The following ITGA1 variants were observed in gnomAD, a reference collection of about 807,000 sequenced individuals.
The protein encoded by ITGA1 is integrin subunit alpha 1, also known as integrin alpha-1.
In ITGA1, 85 loss-of-function variants were observed where a neutral mutation model predicts 145.9. The observed-to-expected ratio is 0.58, with a 90% CI of 0.49 to 0.70. The LOEUF is 0.70. ITGA1 is among the 30% of genes least tolerant of loss of function. The probability of loss-of-function intolerance (pLI) is 0.00; values close to 1 mark genes in which losing one functional copy is unlikely to be tolerated. For synonymous variants in ITGA1, 520 were observed against 495.3 expected (o/e 1.05, Z -0.66); for missense variants, 1,351 against 1,418.7 (o/e 0.95, Z 0.77).
At chr5:52,937,269 G>A in intron 23 of ITGA1, 132 bp from the exon 24 acceptor site, 2 of 664,106 alleles carry the variant, frequency 3.0e-6, no homozygotes, top group Admixed American at 2.4e-5. Context: ...GCACCATAAA[G>A]GATCTACATT....
chr5:52,829,495 C>G (rs1749023302), intron 1 of ITGA1, among the ~76,000 whole-genome samples: 1 of 152,068 alleles, frequency 6.6e-6, no homozygotes, highest in Non-Finnish European at 1.5e-5. Flanking sequence ...ACGGGATGCT[C>G]ACCACCATAA....
chr5:52,950,230 A>T (rs1301274765), intron 28 of ITGA1, among the ~76,000 whole-genome samples: 1 of 152,160 alleles, frequency 6.6e-6, no homozygotes, highest in East Asian at 1.9e-4. Flanking sequence ...GAGACTCAGA[A>T]CATTCCTCTC....
At chr5:52,828,816 T>G (rs991603280) in intron 1 of ITGA1, among the ~76,000 whole-genome samples, 3 of 152,216 alleles carry the variant, frequency 2.0e-5, no homozygotes, top group Non-Finnish European at 4.4e-5. Flanking sequence ...GAAGCCTCTA[T>G]GGGAGAATCA....
chr5:52,922,710 G>T, intron 17 of ITGA1, 67 bp from the exon 18 acceptor site: 1 of 977,948 alleles, frequency 1.0e-6, no homozygotes, highest in South Asian at 1.4e-5. Context: ...AGAAGAAGGA[G>T]ACATAACAAG....
At chr5:52,790,917 GAAGAT>G (rs771432931) in intron 1 of ITGA1, among the ~76,000 whole-genome samples, 1 of 152,090 alleles carries the variant, frequency 6.6e-6, no homozygotes, top group Non-Finnish European at 1.5e-5. Context: ...TTTTGCCACT[GAAGAT>G]ATGACCTTGT....
chr5:52,825,735 T>C (rs1748950406), intron 1 of ITGA1, among the ~76,000 whole-genome samples: 1 of 152,076 alleles, frequency 6.6e-6, no homozygotes, highest in African/African-American at 2.4e-5. Context: ...CTGGTCAACA[T>C]GGTGAAACCC....
chr5:52,860,287 C>A (rs955061312), intron 2 of ITGA1, among the ~76,000 whole-genome samples: 3 of 152,192 alleles, frequency 2.0e-5, no homozygotes, highest in African/African-American at 7.2e-5. Context: ...GTGGCTCATG[C>A]CTGTAATCCC....
At chr5:52,920,252 ATGC>A in intron 16 of ITGA1, 77 bp from the exon 17 acceptor site, 1 of 1,096,986 alleles carries the variant, frequency 9.1e-7, no homozygotes, top group Non-Finnish European at 1.3e-6. Flanking sequence ...TTTTTCTATA[ATGC>A]TAATTTAATA....
At chr5:52,923,805 G>A (rs563309692) in intron 18 of ITGA1, among the ~76,000 whole-genome samples, 2 of 152,236 alleles carry the variant, frequency 1.3e-5, no homozygotes, top group East Asian at 1.9e-4. Context: ...AGGTATAAAG[G>A]GTGTCCTCAC....
chr5:52,805,963 A>G (rs991764184), intron 1 of ITGA1, among the ~76,000 whole-genome samples: 1 of 152,168 alleles, frequency 6.6e-6, no homozygotes, highest in East Asian at 1.9e-4. Context: ...AAGTAAATGA[A>G]TTCTCCAGCA....
At chr5:52,920,983 T>C (rs1041704146) in intron 17 of ITGA1, among the ~76,000 whole-genome samples, 77 of 73,144 alleles carry the variant, frequency 1.1e-3, no homozygotes, top group Non-Finnish European at 2.1e-3. Flanking sequence ...TTTGTGCTAC[T>C]TCAGTTTTTT....
intron 8 of ITGA1, among the ~76,000 whole-genome samples, chr5:52,891,578 C>CAAAAAAAAAAAAAAAAAAAAAAAA (rs1750150793): frequency 7.3e-6 from 1 of 137,706 alleles, no homozygotes; most frequent in Non-Finnish European, 1.6e-5. Context: ...AAAAAAAAAC[C>CAAAAAAAAAAAAAAAAAAAAAAAA]AAAGTGATAA....
chr5:52,860,540 G>A (rs564321275), intron 2 of ITGA1, among the ~76,000 whole-genome samples: 27 of 152,184 alleles, frequency 1.8e-4, no homozygotes, highest in Admixed American at 6.5e-4. Flanking sequence ...GCGAGACTCC[G>A]TCTCAAAAAA....
At chr5:52,900,762 T>G (rs1750300857) in intron 11 of ITGA1, among the ~76,000 whole-genome samples, 1 of 152,158 alleles carries the variant, frequency 6.6e-6, no homozygotes. Context: ...GCCTCAATTT[T>G]CCTATTTCTA....
rs111446982 is a variant in ITGA1 at position 52,886,903 on chromosome 5, A to C, written c.774-912A>C. Among the ~76,000 whole-genome samples, 7 of 152,102 alleles carry C rather than the reference A, an allele frequency of 4.6e-5. 1 individual carries two copies. The highest frequency in any genetic ancestry group is 1.4e-4 in the African/African-American group (6 of 41,512). On this transcript the variant is annotated intron_variant, in intron 7 of 28. Coordinates refer to ENST00000282588, the MANE Select transcript of ITGA1 (RefSeq NM_181501.2). ...ACGCCATTCTCCTGCCTCAGCCTCC[A>C]GAGTAGCTGGGACTACAGGCGCCCG...
chr5:52,820,566 C>T (rs1268471094), intron 1 of ITGA1, among the ~76,000 whole-genome samples: 10 of 151,642 alleles, frequency 6.6e-5, no homozygotes, highest in Non-Finnish European at 1.5e-4. Flanking sequence ...GCTCTTGACT[C>T]CCTTGGCCGG....
chr5:52,929,594 C>T (rs905858741), intron 20 of ITGA1, 31 bp from the exon 21 acceptor site: 4 of 1,121,760 alleles, frequency 3.6e-6, no homozygotes, highest in South Asian at 2.6e-5. Flanking sequence ...AATTTCTTAT[C>T]TGTTACTAAA....
chr5:52,801,104 G>T, intron 1 of ITGA1: 1 of 1,603,106 alleles, frequency 6.2e-7, no homozygotes, highest in Non-Finnish European at 8.5e-7. Flanking sequence ...CTGGAAAACC[G>T]GTCCAAATTT....
At chr5:52,934,445 AT>A (rs1185940413) in intron 23 of ITGA1, among the ~76,000 whole-genome samples, 1 of 151,570 alleles carries the variant, frequency 6.6e-6, no homozygotes, top group Non-Finnish European at 1.5e-5. Flanking sequence ...TGTCTTGGCA[AT>A]TTTTTTTACT....
Sources: allele counts gnomAD v4.1 joint callset (sites outside exome capture counted in the v4.1 genomes callset), GRCh38; gene constraint gnomAD v4.1.1; transcripts MANE v1.5; gene names NCBI Gene and HGNC (gene_info 2026-07-23, HGNC 2026-07-21).